Variants in TPPP observed in about 807,000 individuals in gnomAD.
TPPP encodes tubulin polymerization promoting protein.
A neutral mutation model predicts 15.5 loss-of-function variants in TPPP; 6 were observed. The ratio of observed to expected loss-of-function variants is 0.39; its 90% CI spans 0.21 to 0.77. The LOEUF (loss-of-function observed/expected upper bound fraction) is 0.77, where lower values mean the gene tolerates loss of function less well. Ranked by LOEUF, TPPP falls within the 30% of genes least tolerant of loss-of-function variation. The probability of loss-of-function intolerance (pLI) is 0.42; values close to 1 mark genes in which losing one functional copy is unlikely to be tolerated. For synonymous variants in TPPP, 146 were observed against 133.9 expected (o/e 1.09, Z -0.63); for missense variants, 269 against 307.2 (o/e 0.88, Z 0.93).
chr5:675,510 GT>G (rs1740398829), intron 2 of TPPP, among the ~76,000 whole-genome samples: 1 of 138,166 alleles, frequency 7.2e-6, no homozygotes, highest in Non-Finnish European at 1.6e-5. Flanking sequence ...GGGCTGCAGT[GT>G]GACCAGGGGT....
intron 2 of TPPP, among the ~76,000 whole-genome samples, chr5:674,033 T>G (rs1740317735): frequency 6.6e-6 from 1 of 152,236 alleles, no homozygotes; most frequent in Non-Finnish European, 1.5e-5. Context: ...GGCACTGCAC[T>G]TGGTGTGTCC....
upstream of TPPP, among the ~76,000 whole-genome samples, chr5:694,154 C>A (rs1395823832): frequency 6.6e-6 from 1 of 150,464 alleles, no homozygotes; most frequent in African/African-American, 2.4e-5. Context: ...GCCGCCCCTC[C>A]CCCGCTCCCC....
intron 1 of TPPP, among the ~76,000 whole-genome samples, chr5:682,245 T>C (rs396628): frequency 0.69 from 94,480 of 136,596 alleles, 34,210 homozygotes; most frequent in African/African-American, 0.91. Flanking sequence ...TAGGACTGAC[T>C]GGGCTCTGTC....
chr5:683,129 G>A (rs997835154), intron 1 of TPPP, among the ~76,000 whole-genome samples: 2 of 152,020 alleles, frequency 1.3e-5, no homozygotes, highest in African/African-American at 4.8e-5. Context: ...AGCTGCACCC[G>A]CTGACCCCCA....
chr5:683,237 A>G (rs1227683110), intron 1 of TPPP, among the ~76,000 whole-genome samples: 1 of 151,970 alleles, frequency 6.6e-6, no homozygotes, highest in Non-Finnish European at 1.5e-5. Context: ...TCTCCCTCGC[A>G]CCCGATGGCC....
At chr5:670,623 G>A (rs1038432526) in intron 2 of TPPP, among the ~76,000 whole-genome samples, 1 of 152,230 alleles carries the variant, frequency 6.6e-6, no homozygotes, top group South Asian at 2.1e-4. Context: ...GGGGAGCCCT[G>A]TCTGGCATCG....
chr5:666,528 G>C (rs1425089098), intron 2 of TPPP, among the ~76,000 whole-genome samples: 1 of 152,220 alleles, frequency 6.6e-6, no homozygotes, highest in East Asian at 1.9e-4. Context: ...CCTAGGTGGA[G>C]GTGTCCCCCA....
chr5:668,826 G>T (rs1740069215), intron 2 of TPPP, among the ~76,000 whole-genome samples: 1 of 152,240 alleles, frequency 6.6e-6, no homozygotes, highest in Non-Finnish European at 1.5e-5. Context: ...GTGTGCGCAC[G>T]TGGACAGCAC....
chr5:664,118 C>CT lies in TPPP; in HGVS notation c.*983dup, dbSNP rs1739799492. On this transcript the variant is annotated 3_prime_UTR_variant, in exon 4 of 4. Coordinates refer to ENST00000360578, the MANE Select transcript of TPPP (RefSeq NM_007030.3). ...GGGGGATTGGCCAGGAGAGGTTAGG[C>CT]TGAGCCATTTTGGGAGAGTTGAAGA... 6.6e-6 allele frequency: 1 copy of CT among 152,530 alleles called. No homozygotes were observed. The highest frequency in any genetic ancestry group is 2.4e-5 in the African/African-American group (1 of 41,460). The allele number at this position is 152,530 out of a possible 1,614,324, so 9.4% of individuals were successfully genotyped here.
chr5:676,934 GCA>G (rs142619200), intron 2 of TPPP, among the ~76,000 whole-genome samples: 3 of 147,608 alleles, frequency 2.0e-5, no homozygotes, highest in African/African-American at 7.6e-5. Flanking sequence ...ACGCACGCGC[GCA>G]CACGACGCAG....
chr5:693,641 G>A (rs1295896628), upstream of TPPP, among the ~76,000 whole-genome samples: 98 of 151,732 alleles, frequency 6.5e-4, no homozygotes, highest in Non-Finnish European at 7.2e-4. Context: ...GGCAGGGGGC[G>A]GCGGGGCCCC....
At position 668,197 on chromosome 5, in the gene TPPP, AG is replaced by A. The variant is rs1321898085; in HGVS notation, c.312-2075del. 7.3e-5 allele frequency among the ~76,000 whole-genome samples: 9 copies of A among 123,440 alleles called. 2 individuals carry two copies. The highest frequency in any genetic ancestry group is 2.7e-4 in the African/African-American group (9 of 32,936). 81.0% of individuals were successfully genotyped at this position (123,440 alleles called of 152,430 possible). The stretch of plus-strand genomic sequence containing the variant: ...GAGAGGGGTCCGCGTGGGCGCCGTC[AG>A]GGAAGTACCGACAAGCACACAGAGA... On this transcript the variant is annotated intron_variant, in intron 2 of 3. Transcript: ENST00000360578.
intron 1 of TPPP, 25 bp from the exon 2 acceptor site, chr5:678,089 G>C (rs200453538): frequency 6.7e-7 from 1 of 1,484,474 alleles, no homozygotes; most frequent in Admixed American, 2.3e-5. Context: ...GAGGAGAAAG[G>C]TGTCACCCGG....
chr5:663,933 G>C lies in TPPP; in HGVS notation c.*1169C>G, dbSNP rs957978583. ...CTCCCCAGGAGGGAGCAGGAGCGCC[G>C]GCTTCTCCCCAGGTGCAGACAGGCA... On this transcript the variant is annotated 3_prime_UTR_variant, in exon 4 of 4. Coordinates refer to ENST00000360578, the MANE Select transcript of TPPP (RefSeq NM_007030.3). 6.6e-6 allele frequency: 1 copy of C among 152,576 alleles called. No homozygotes were observed. The highest frequency in any genetic ancestry group is 2.4e-5 in the African/African-American group (1 of 41,476). The allele number at this position is 152,576 out of a possible 1,614,324, so 9.5% of individuals were successfully genotyped here.
chr5:684,954 G>A (rs1740727617), intron 1 of TPPP, among the ~76,000 whole-genome samples: 1 of 152,176 alleles, frequency 6.6e-6, no homozygotes, highest in Non-Finnish European at 1.5e-5. Flanking sequence ...CGGCACACTC[G>A]GGAGCACACC....
At chr5:678,805 G>A (rs1366346143) in intron 1 of TPPP, among the ~76,000 whole-genome samples, 4 of 152,220 alleles carry the variant, frequency 2.6e-5, no homozygotes, top group Non-Finnish European at 4.4e-5. Context: ...CAGAGTAGGC[G>A]GCTGGGCCAT....
At chr5:665,946 G>T in intron 3 of TPPP, 24 bp downstream of exon 3, 11 of 206,412 alleles carry the variant, frequency 5.3e-5, no homozygotes, top group Non-Finnish European at 7.9e-5. Context: ...TCCAGGCCCC[G>T]CCTTCCATCC....
chr5:674,120 C>T (rs957323869), intron 2 of TPPP, among the ~76,000 whole-genome samples: 18 of 152,364 alleles, frequency 1.2e-4, no homozygotes, highest in African/African-American at 3.8e-4. Context: ...TCCTACCTCC[C>T]GCCCAGCCCT....
chr5:682,164 T>A (rs1446383029), intron 1 of TPPP, among the ~76,000 whole-genome samples: 1 of 149,506 alleles, frequency 6.7e-6, no homozygotes, highest in Non-Finnish European at 1.5e-5. Context: ...AGCCCCAGCC[T>A]CTGATCACAG....
Sources: gnomAD v4.1 joint callset for allele counts (sites outside exome capture counted in the v4.1 genomes callset) on GRCh38, gnomAD v4.1.1 for gene constraint, MANE v1.5 for transcripts, NCBI Gene and HGNC (gene_info 2026-07-23, HGNC 2026-07-21) for gene names.